Variants in LRP5 observed in about 807,000 individuals in gnomAD.
The protein encoded by LRP5 is low-density lipoprotein receptor-related protein 5.
In LRP5, 62 loss-of-function variants were observed where a neutral mutation model predicts 154.1. That is an observed-to-expected ratio of 0.40 (90% CI 0.33 to 0.50). The LOEUF (loss-of-function observed/expected upper bound fraction) is 0.50. Ranked by LOEUF, LRP5 falls within the 20% of genes least tolerant of loss-of-function variation. The pLI, the probability that LRP5 is intolerant of heterozygous loss-of-function variation, is 0.55. For missense variants in LRP5, 1,915 were observed against 2,336.7 expected, an observed-to-expected ratio of 0.82 and a Z score of 3.72; for synonymous variants, 966 against 1,011.5, an observed-to-expected ratio of 0.96 and a Z score of 0.85.
At chr11:68,322,208 A>C (rs1209575192) in intron 1 of LRP5, among the ~76,000 whole-genome samples, 1 of 151,888 alleles carries the variant, frequency 6.6e-6, no homozygotes, top group Admixed American at 6.6e-5. Flanking sequence ...CCTCCTGAGC[A>C]CTGTAGACAC....
intron 5 of LRP5, among the ~76,000 whole-genome samples, chr11:68,374,270 G>A (rs1018065113): frequency 8.5e-5 from 13 of 152,202 alleles, no homozygotes; most frequent in Non-Finnish European, 1.9e-4. Context: ...GCTCAGCTCG[G>A]GGCCGAATAA....
chr11:68,330,542 A>G (rs1285250829), intron 1 of LRP5, among the ~76,000 whole-genome samples: 1 of 152,208 alleles, frequency 6.6e-6, no homozygotes, highest in African/African-American at 2.4e-5. Context: ...GGTGGGCTCC[A>G]TGGGGTTCTG....
At chr11:68,389,778 A>T in intron 6 of LRP5, 103 bp from the exon 7 acceptor site, 1 of 1,146,142 alleles carries the variant, frequency 8.7e-7, no homozygotes, top group Non-Finnish European at 1.3e-6. Flanking sequence ...ACATTTAGCC[A>T]TGTGATGGGG....
At chr11:68,317,459 T>A (rs1230021646) in intron 1 of LRP5, among the ~76,000 whole-genome samples, 1 of 151,910 alleles carries the variant, frequency 6.6e-6, no homozygotes, top group Admixed American at 6.6e-5. Context: ...AGCTCTGTGC[T>A]GGTTGCCCCC....
intron 21 of LRP5, among the ~76,000 whole-genome samples, chr11:68,441,467 A>G (rs558626418): frequency 6.6e-6 from 1 of 152,310 alleles, no homozygotes; most frequent in Admixed American, 6.5e-5. Flanking sequence ...CTGGACAGTA[A>G]CTGAGTGTTC....
intron 5 of LRP5, among the ~76,000 whole-genome samples, chr11:68,366,970 C>A (rs1011831298): frequency 1.4e-5 from 2 of 142,200 alleles, no homozygotes; most frequent in Non-Finnish European, 3.1e-5. Flanking sequence ...GAATCCCGGG[C>A]CTCTGGCGCT....
chr11:68,413,788 T>A lies in LRP5; in HGVS notation c.2603T>A (p.Ile868Asn). Residue 868 changes from isoleucine to asparagine, a missense_variant, in exon 12 of 23, where the codon ATT becomes AAT. Physicochemically the swap from Ile to Asn is moderately radical, Grantham distance 149. Around this residue, in one of 3 missense-constraint regions of LRP5, gnomAD observed 1,094 missense variants for 1,210.1 expected, o/e 0.90. Transcript: ENST00000294304. This position sits in a 1 kb window ranked among gnomAD's most constrained non-coding sequence, Gnocchi z 5.1. Reference protein sequence around the residue: ...IYWTDWNLHSIERADKTSGRN... With the variant: ...IYWTDWNLHSNERADKTSGRN... ...TGGACAGACTGGAATCTGCACAGCATTGAGCGGGCCGACAAGACTAGCGGC... is the reference window on the plus strand; with the variant it reads ...TGGACAGACTGGAATCTGCACAGCAATGAGCGGGCCGACAAGACTAGCGGC... The A allele has an allele frequency of 1.2e-6, 2 of 1,613,644 alleles. No individual in the cohort carries two copies. The highest frequency in any genetic ancestry group is 2.2e-5 in the South Asian group (2 of 91,090).
At chr11:68,307,422 T>C in the LRP5 span, among the ~76,000 whole-genome samples, 1 of 152,182 alleles carries the variant, frequency 6.6e-6, no homozygotes, top group Non-Finnish European at 1.5e-5. Flanking sequence ...CCTAGCACTT[T>C]GGCAGGCTGA....
rs574413697 is a variant in LRP5 at position 68,321,434 on chromosome 11, C to T, written c.91+8629C>T. On this transcript the variant is annotated intron_variant, in intron 1 of 22. Coordinates refer to ENST00000294304, the MANE Select transcript of LRP5 (RefSeq NM_002335.4). ...AGGTTCCACCCTTTGATCTCTTGAT[C>T]TGGGGACGGTAAATGGTGATATCCA... is the stretch of plus-strand genomic sequence containing the variant. 6.8e-4 allele frequency among the ~76,000 whole-genome samples: 104 copies of T among 152,234 alleles called. 1 individual carries two copies. Among genetic ancestry groups the T allele is most frequent in the African/African-American group, 2.4e-3 (99 of 41,556 alleles).
At chr11:68,301,966 A>G in the LRP5 span, among the ~76,000 whole-genome samples, 1 of 151,474 alleles carries the variant, frequency 6.6e-6, no homozygotes, top group Admixed American at 6.6e-5. Flanking sequence ...TTTAAGCAGG[A>G]CATGATCAAT....
At chr11:68,404,689 G>A (rs1181691419) in intron 8 of LRP5, among the ~76,000 whole-genome samples, 1 of 152,144 alleles carries the variant, frequency 6.6e-6, no homozygotes, top group Admixed American at 6.6e-5. Context: ...TGCTGGGGCC[G>A]GGGCAGTGCA....
intron 1 of LRP5, among the ~76,000 whole-genome samples, chr11:68,324,990 G>A (rs942288506): frequency 3.5e-4 from 54 of 152,334 alleles, no homozygotes; most frequent in African/African-American, 1.2e-3. Context: ...CACCAGGTGA[G>A]CTCTGGGGGT....
At chr11:68,445,917 A>T (rs1446355343) in intron 21 of LRP5, among the ~76,000 whole-genome samples, 4 of 152,234 alleles carry the variant, frequency 2.6e-5, no homozygotes, top group Non-Finnish European at 5.9e-5. Flanking sequence ...TCAGGGCTTC[A>T]GCAGGGACGC....
chr11:68,371,125 C>A (rs2098633780), intron 5 of LRP5, among the ~76,000 whole-genome samples: 1 of 152,060 alleles, frequency 6.6e-6, no homozygotes, highest in African/African-American at 2.4e-5. Flanking sequence ...CTGAAGTGTT[C>A]CAGGGGCAGC....
chr11:68,332,575 A>C (rs1025649320), intron 1 of LRP5, among the ~76,000 whole-genome samples: 1 of 152,262 alleles, frequency 6.6e-6, no homozygotes. Flanking sequence ...AGGCCAGGTC[A>C]CATTCAGCCA....
intron 7 of LRP5, among the ~76,000 whole-genome samples, chr11:68,391,531 C>T (rs1204455987): frequency 2.6e-5 from 4 of 152,306 alleles, no homozygotes; most frequent in South Asian, 2.1e-4. Flanking sequence ...ATGGAGAACA[C>T]GAGTGTGTGT....
chr11:68,300,523 C>T, the LRP5 span, among the ~76,000 whole-genome samples: 2 of 149,664 alleles, frequency 1.3e-5, no homozygotes, highest in African/African-American at 4.8e-5. Flanking sequence ...CTCCAAGCTT[C>T]AGGGGGCCCC....
intron 1 of LRP5, among the ~76,000 whole-genome samples, chr11:68,323,309 A>G (rs1427859979): frequency 6.6e-6 from 1 of 151,816 alleles, no homozygotes; most frequent in Non-Finnish European, 1.5e-5. Flanking sequence ...GAGTTTCACC[A>G]TGTTGGCTGG....
chr11:68,360,014 C>A (rs1262914483), intron 3 of LRP5, among the ~76,000 whole-genome samples: 1 of 152,012 alleles, frequency 6.6e-6, no homozygotes, highest in Non-Finnish European at 1.5e-5. Context: ...GTCTTGAACT[C>A]CTGATCACAA....
Sources: gnomAD v4.1 joint callset for allele counts (sites outside exome capture counted in the v4.1 genomes callset) on GRCh38, gnomAD v4.1.1 for gene constraint, gnomAD v4.1.1 regional missense constraint, Gnocchi (gnomAD v3.1) non-coding constraint, MANE v1.5 for transcripts, NCBI Gene and HGNC (gene_info 2026-07-23, HGNC 2026-07-21) for gene names.